The following LDB2 variants were observed in gnomAD, a reference collection of about 807,000 sequenced individuals.
LDB2 encodes LIM domain binding 2.
LDB2 carries 12 observed loss-of-function variants against 44.3 expected under a neutral mutation model. The ratio of observed to expected loss-of-function variants is 0.27; its 90% CI spans 0.17 to 0.44. LDB2 has a LOEUF of 0.44. Ranked by LOEUF, LDB2 falls within the 20% of genes least tolerant of loss-of-function variation. The pLI is 1.00. For synonymous variants in LDB2, 164 were observed against 174.8 expected, an observed-to-expected ratio of 0.94 and a Z score of 0.49; for missense variants, 344 against 473.5, an observed-to-expected ratio of 0.73 and a Z score of 2.54.
chr4:16,575,894 G>A (rs1188499887), intron 5 of LDB2, among the ~76,000 whole-genome samples: 1 of 152,116 alleles, frequency 6.6e-6, no homozygotes, highest in Non-Finnish European at 1.5e-5. Flanking sequence ...CTGCCATCAC[G>A]CCTGGCTATA....
chr4:16,860,752 A>T (rs557205397), intron 1 of LDB2, among the ~76,000 whole-genome samples: 4 of 152,350 alleles, frequency 2.6e-5, no homozygotes, highest in Admixed American at 6.5e-5. Context: ...ATAATGCTGA[A>T]GCAATATTGG....
intron 5 of LDB2, among the ~76,000 whole-genome samples, chr4:16,585,335 G>A (rs761271677): frequency 3.9e-5 from 6 of 152,264 alleles, no homozygotes; most frequent in African/African-American, 1.4e-4. Flanking sequence ...TAGGATGGGC[G>A]GGTGGGGAGC....
intron 6 of LDB2, among the ~76,000 whole-genome samples, chr4:16,510,298 C>G (rs1392913564): frequency 1.3e-5 from 2 of 152,070 alleles, no homozygotes; most frequent in African/African-American, 4.8e-5. Flanking sequence ...TATTTTGTCT[C>G]TTATGCTTAA....
intron 5 of LDB2, among the ~76,000 whole-genome samples, chr4:16,559,179 ACAT>A (rs1741033033): frequency 6.6e-6 from 1 of 152,220 alleles, no homozygotes; most frequent in Non-Finnish European, 1.5e-5. Flanking sequence ...TAACCAGCTA[ACAT>A]CATAATGACA....
chr4:16,563,200 AAAACTT>A, intron 5 of LDB2, among the ~76,000 whole-genome samples: 1 of 151,994 alleles, frequency 6.6e-6, no homozygotes, highest in African/African-American at 2.4e-5. Context: ...CATGTACCCT[AAAACTT>A]AAAGTATAAT....
intron 2 of LDB2, among the ~76,000 whole-genome samples, chr4:16,713,827 A>T (rs1208777947): frequency 6.6e-6 from 1 of 152,184 alleles, no homozygotes; most frequent in South Asian, 2.1e-4. Flanking sequence ...TCTGCCTGAG[A>T]GAAAATGTTC....
intron 1 of LDB2, among the ~76,000 whole-genome samples, chr4:16,890,500 A>G (rs1474788253): frequency 6.6e-6 from 1 of 152,198 alleles, no homozygotes; most frequent in Non-Finnish European, 1.5e-5. Flanking sequence ...GAACTGGAAG[A>G]CTAAAACTTC....
intron 2 of LDB2, among the ~76,000 whole-genome samples, chr4:16,648,219 G>A (rs1578460700): frequency 6.6e-6 from 1 of 152,202 alleles, no homozygotes; most frequent in African/African-American, 2.4e-5. Flanking sequence ...AGAGGGTTAG[G>A]TAGCTTGCTG....
In LDB2 at chr4:16,582,489, G is replaced by A. The variant is rs532809755; in HGVS notation, c.615+3433C>T. 6.6e-5 allele frequency among the ~76,000 whole-genome samples: 10 copies of A among 152,276 alleles called. 1 individual carries two copies. The South Asian group carries it at 1.9e-3, about 28-fold the overall frequency. On this transcript the variant is annotated intron_variant, in intron 5 of 7. Coordinates refer to ENST00000304523, the MANE Select transcript of LDB2 (RefSeq NM_001290.5). The surrounding 1 kb of genome is among the most constrained non-coding windows in gnomAD (Gnocchi z 4.8). ...TTCCTGGCTTGCTTCTCCCATTCTA[G>A]TGCTCAAGTTCCAGCACCAGAGAGT...
intron 5 of LDB2, among the ~76,000 whole-genome samples, chr4:16,530,826 T>C (rs1348405226): frequency 6.6e-6 from 1 of 152,158 alleles, no homozygotes; most frequent in Non-Finnish European, 1.5e-5. Context: ...CACAACTAGT[T>C]ACTCTGTTAC....
intron 1 of LDB2, among the ~76,000 whole-genome samples, chr4:16,878,092 G>C (rs537229304): frequency 5.1e-4 from 78 of 152,338 alleles, no homozygotes; most frequent in African/African-American, 1.9e-3. Flanking sequence ...TATTGTAAAA[G>C]TTAAAGCCAA....
At chr4:16,538,751 T>C (rs1295056449) in intron 5 of LDB2, among the ~76,000 whole-genome samples, 1 of 152,232 alleles carries the variant, frequency 6.6e-6, no homozygotes, top group Non-Finnish European at 1.5e-5. Flanking sequence ...CATTCATTTA[T>C]TCCTTCATTC....
At chr4:16,798,567 T>C (rs1777173967) in intron 1 of LDB2, among the ~76,000 whole-genome samples, 2 of 152,198 alleles carry the variant, frequency 1.3e-5, no homozygotes, top group Admixed American at 1.3e-4. Context: ...AAAGTCTTGG[T>C]AGACAGGCCA....
chr4:16,701,144 G>T (rs571199719), intron 2 of LDB2, among the ~76,000 whole-genome samples: 12 of 152,182 alleles, frequency 7.9e-5, no homozygotes, highest in Non-Finnish European at 1.2e-4. Flanking sequence ...CTGCCCTTCA[G>T]ATTATCTGGC....
intron 1 of LDB2, among the ~76,000 whole-genome samples, chr4:16,842,155 G>C (rs1409981700): frequency 6.6e-6 from 1 of 152,120 alleles, no homozygotes; most frequent in Non-Finnish European, 1.5e-5. Flanking sequence ...AGAGTCAACA[G>C]ATATAAAGCA....
At chr4:16,667,671 G>A (rs2152550976) in intron 2 of LDB2, among the ~76,000 whole-genome samples, 1 of 152,356 alleles carries the variant, frequency 6.6e-6, no homozygotes, top group African/African-American at 2.4e-5. Flanking sequence ...GTTTACTCAT[G>A]GGGAGCAACC....
intron 1 of LDB2, among the ~76,000 whole-genome samples, chr4:16,847,076 T>G (rs1331826091): frequency 1.3e-5 from 2 of 152,182 alleles, no homozygotes; most frequent in African/African-American, 4.8e-5. Context: ...AAAATTTGAA[T>G]AGTTGAGGTT....
rs374400343 is a variant in LDB2 at position 16,849,688 on chromosome 4, T to A, written c.132+48666A>T. 1.4e-4 allele frequency among the ~76,000 whole-genome samples: 22 copies of A among 152,322 alleles called. No homozygotes were observed. The East Asian group carries it at 2.9e-3, about 20-fold the overall frequency. ...TTCCTGTTTGTCAAAAAATAACACA[T>A]TCTTTTAAGTGTAGCCATTGAAAAA... On this transcript the variant is annotated intron_variant, in intron 1 of 7. Coordinates refer to ENST00000304523, the MANE Select transcript of LDB2 (RefSeq NM_001290.5).
intron 1 of LDB2, among the ~76,000 whole-genome samples, chr4:16,867,839 T>C (rs567329088): frequency 1.3e-5 from 2 of 152,314 alleles, no homozygotes; most frequent in Middle Eastern, 6.8e-3. Context: ...CAAGTGGATA[T>C]GAATATCCTC....
Sources: gnomAD v4.1 joint callset for allele counts (sites outside exome capture counted in the v4.1 genomes callset) on GRCh38, gnomAD v4.1.1 for gene constraint, Gnocchi (gnomAD v3.1) non-coding constraint, MANE v1.5 for transcripts, NCBI Gene and HGNC (gene_info 2026-07-23, HGNC 2026-07-21) for gene names.